The following ZNF224 variants were observed in gnomAD, a reference collection of about 807,000 sequenced individuals.
ZNF224 encodes the protein bone marrow zinc finger 2.
Under a neutral mutation model 10.5 loss-of-function variants are expected in ZNF224, and 8 were observed. That is an observed-to-expected ratio of 0.76 (90% confidence interval 0.45 to 1.37). ZNF224 has a LOEUF of 1.37. Ranked by LOEUF, ZNF224 falls within the 40% of genes most tolerant of loss-of-function variation. The pLI is 0.00. For synonymous variants in ZNF224, 282 were observed against 287.8 expected (o/e 0.98, Z 0.20); for missense variants, 754 against 854.0 (o/e 0.88, Z 1.46).
At chr19:44,095,830 A>C (rs1967424468) in intron 1 of ZNF224, 1 of 151,054 alleles carries the variant, frequency 6.6e-6, no homozygotes, top group African/African-American at 2.4e-5. Flanking sequence ...AGGGTGAGGC[A>C]GGAGAATCGT....
In ZNF224 at chr19:44,107,617, G is replaced by A; in HGVS notation, c.1457G>A (p.Cys486Tyr). Reference sequence around the variant, plus strand: ...CACAGTGGAGAAAAACCATTCCAATGTGAAGAGTGTGGGAAGAGATTTACT... The same window carrying A: ...CACAGTGGAGAAAAACCATTCCAATATGAAGAGTGTGGGAAGAGATTTACT... ...RLHSGEKPFQCEECGKRFTQN... is the reference protein window; with the variant it reads ...RLHSGEKPFQYEECGKRFTQN... Residue 486 changes from cysteine to tyrosine, a missense_variant, in exon 6 of 6, where the codon TGT becomes TAT. Transcript: ENST00000693561. 1 of 1,614,006 alleles carries A rather than the reference G, an allele frequency of 6.2e-7. No homozygotes were observed. Among genetic ancestry groups the A allele is most frequent in the Non-Finnish European group, 8.5e-7 (1 of 1,179,940 alleles).
chr19:44,105,153 CAT>C lies in ZNF224; in HGVS notation c.236-1240_236-1239del, dbSNP rs1967629160. Among the ~76,000 whole-genome samples, 4 of 152,310 alleles carry C rather than the reference CAT, an allele frequency of 2.6e-5. No homozygotes were observed. The South Asian group carries it at 8.3e-4, about 32-fold the overall frequency. On this transcript the variant is annotated intron_variant, in intron 5 of 5. Coordinates refer to ENST00000693561, the MANE Select transcript of ZNF224 (RefSeq NM_001321645.3). The stretch of plus-strand genomic sequence containing the variant: ...GGCGTGGCCAGCTACAACCCTAAAT[CAT>C]ATTGTTTCACTTTCCAGTGACCTAG...
At chr19:44,101,597 C>T (rs576158819) in intron 5 of ZNF224, among the ~76,000 whole-genome samples, 1 of 152,216 alleles carries the variant, frequency 6.6e-6, no homozygotes, top group Non-Finnish European at 1.5e-5. Flanking sequence ...CTTTACCAGC[C>T]ACTTTATTCT....
At chr19:44,104,777 T>C (rs1346228013) in intron 5 of ZNF224, among the ~76,000 whole-genome samples, 6 of 152,154 alleles carry the variant, frequency 3.9e-5, no homozygotes, top group Non-Finnish European at 7.3e-5. Context: ...TTCTCCTGCC[T>C]CAGCCTCCCG....
At position 44,106,690 on chromosome 19, in the gene ZNF224, C is replaced by G; in HGVS notation, c.530C>G (p.Thr177Arg). 6.2e-7 allele frequency: 1 copy of G among 1,601,874 alleles called. No homozygotes were observed. Among genetic ancestry groups the G allele is most frequent in the African/African-American group, 1.3e-5 (1 of 74,832 alleles). The change falls in exon 6 of 6, where the codon ACG (threonine) becomes AGG (arginine). Residue 177 changes from threonine (T) to arginine (R), a missense_variant. Physicochemically the swap from Thr to Arg is moderately conservative, Grantham distance 71. Transcript: ENST00000693561. ...QQLHSGEKSH[T>R]CDECGKNFCY... The stretch of plus-strand genomic sequence containing the variant: ...TTACACTCAGGAGAGAAATCTCATA[C>G]GTGTGATGAGTGTGGAAAGAACTTT...
chr19:44,095,064 G>T, intron 1 of ZNF224: 1 of 220,382 alleles, frequency 4.5e-6, no homozygotes, highest in South Asian at 7.8e-5. Flanking sequence ...ACGGCGACGC[G>T]GTCAAGGTGT....
chr19:44,102,709 A>G (rs1967574541), intron 5 of ZNF224, among the ~76,000 whole-genome samples: 2 of 152,210 alleles, frequency 1.3e-5, no homozygotes, highest in Admixed American at 6.5e-5. Flanking sequence ...TGCCTTCCAT[A>G]TGACTTATCC....
In ZNF224 at chr19:44,106,457, C is replaced by A. The variant is rs138983943; in HGVS notation, c.297C>A (p.Ser99=). Residue 99 remains serine (S), a synonymous_variant, in exon 6 of 6, where the codon TCC becomes TCA. Coordinates refer to ENST00000693561, the MANE Select transcript of ZNF224 (RefSeq NM_001321645.3). The stretch of plus-strand genomic sequence containing the variant: ...AAGCAGGAACACATCAAGAGTGGTC[C>A]TTCCAGCAAATCTGGGAAAAAATTG... ...VSEAGTHQEW[S]FQQIWEKIAS... 7.6e-5 allele frequency: 123 copies of A among 1,614,024 alleles called. No homozygotes were observed. The highest frequency in any genetic ancestry group is 9.7e-5 in the Non-Finnish European group (115 of 1,180,036).
intron 5 of ZNF224, 78 bp downstream of exon 5, chr19:44,101,303 C>T: frequency 6.8e-7 from 1 of 1,470,844 alleles, no homozygotes; most frequent in Non-Finnish European, 9.3e-7. Flanking sequence ...ATCCATTGCC[C>T]TGGCCTAAAT....
chr19:44,103,841 C>T (rs1369937810), intron 5 of ZNF224, among the ~76,000 whole-genome samples: 4 of 152,084 alleles, frequency 2.6e-5, no homozygotes, highest in Non-Finnish European at 5.9e-5. Context: ...TAGGTGTGCA[C>T]CACCACACCT....
At chr19:44,105,497 CTT>C (rs1015039186) in intron 5 of ZNF224, 4 of 150,670 alleles carry the variant, frequency 2.7e-5, no homozygotes, top group African/African-American at 9.8e-5. Flanking sequence ...TTATTATTGT[CTT>C]TTATTTTTAT....
At chr19:44,099,654 A>G (rs1217059641) in intron 3 of ZNF224, among the ~76,000 whole-genome samples, 2 of 152,122 alleles carry the variant, frequency 1.3e-5, no homozygotes, top group South Asian at 4.1e-4. Context: ...GGAGCTCAAG[A>G]CCATCCTGGG....
In ZNF224 at chr19:44,108,039, G is replaced by A; in HGVS notation, c.1879G>A (p.Glu627Lys). 1 of 1,614,158 alleles carries A rather than the reference G, an allele frequency of 6.2e-7. No individual in the cohort carries two copies. The highest frequency in any genetic ancestry group is 8.5e-7 in the Non-Finnish European group (1 of 1,180,030). Residue 627 changes from glutamate to lysine, a missense_variant, in exon 6 of 6, where the codon GAG (glutamate) becomes AAG (lysine). Coordinates refer to ENST00000693561, the MANE Select transcript of ZNF224 (RefSeq NM_001321645.3). ...CAGCAGAGAAACACCTCTCAAATGT[G>A]AGCAGCATGGGAAGAACATTGTACA... ...RHSRETPLKC[E>K]QHGKNIVQNS...
intron 3 of ZNF224, among the ~76,000 whole-genome samples, chr19:44,098,201 T>G (rs1967479591): frequency 6.6e-6 from 1 of 152,226 alleles, no homozygotes; most frequent in African/African-American, 2.4e-5. Flanking sequence ...ATAACTGTAT[T>G]TGTATTGGTG....
In ZNF224 at chr19:44,108,436, TCA is replaced by T; in HGVS notation, c.*154_*155del. Reference sequence around the variant, plus strand: ...TCTGAATCCATGCTGGTGATAAATTTCACCCATTCTTGGAAGAGGGAAAACAT... The same window carrying T: ...TCTGAATCCATGCTGGTGATAAATTTCCCATTCTTGGAAGAGGGAAAACAT... On this transcript the variant is annotated 3_prime_UTR_variant, in exon 6 of 6. Transcript: ENST00000693561. 5.9e-6 allele frequency: 5 copies of T among 851,318 alleles called. No homozygotes were observed. In the South Asian group the frequency reaches 9.3e-5, roughly 16 times the overall value. 52.7% of individuals were successfully genotyped at this position (851,318 alleles called of 1,614,324 possible).
chr19:44,103,748 T>G lies in ZNF224; in HGVS notation c.235+2523T>G, dbSNP rs538817690. 6.6e-5 allele frequency among the ~76,000 whole-genome samples: 10 copies of G among 152,306 alleles called. No individual in the cohort carries two copies. In the South Asian group the frequency reaches 2.1e-3, roughly 32 times the overall value. ...CTCTGTCACCCATGCTGGAGAGCATTGGCATGATCTCAGCTCACAGCAACC... is the reference window on the plus strand; with the variant it reads ...CTCTGTCACCCATGCTGGAGAGCATGGGCATGATCTCAGCTCACAGCAACC... On this transcript the variant is annotated intron_variant, in intron 5 of 5. Transcript: ENST00000693561.
chr19:44,095,104 CT>C, intron 1 of ZNF224: 1 of 229,994 alleles, frequency 4.3e-6, no homozygotes. Flanking sequence ...CCAACCCGAC[CT>C]TTCCAGAAGA....
At chr19:44,101,033 A>G in intron 4 of ZNF224, 100 bp from the exon 5 acceptor site, 1 of 1,611,086 alleles carries the variant, frequency 6.2e-7, no homozygotes. Context: ...CCTATGGTTC[A>G]AGTTTGAGTG....
chr19:44,101,652 GCT>G (rs1373763999), intron 5 of ZNF224, among the ~76,000 whole-genome samples: 1 of 152,094 alleles, frequency 6.6e-6, no homozygotes, highest in Non-Finnish European at 1.5e-5. Flanking sequence ...GTTGCCTTTT[GCT>G]GGTACCCAGT....
Sources: gnomAD v4.1 joint callset for allele counts (sites outside exome capture counted in the v4.1 genomes callset) on GRCh38, gnomAD v4.1.1 for gene constraint, MANE v1.5 for transcripts, NCBI Gene and HGNC (gene_info 2026-07-23, HGNC 2026-07-21) for gene names.